Variants in SPAG9 observed in about 807,000 individuals in gnomAD.
SPAG9 encodes the protein C-Jun-amino-terminal kinase-interacting protein 4.
In SPAG9, 35 loss-of-function variants were observed where a neutral mutation model predicts 166.5. That is an observed-to-expected ratio of 0.21 (90% CI 0.16 to 0.28). SPAG9 has a LOEUF of 0.28. Ranked by LOEUF, SPAG9 falls within the 10% of genes least tolerant of loss-of-function variation. SPAG9 has a pLI of 1.00. For synonymous variants in SPAG9, 534 were observed against 565.5 expected (o/e 0.94, Z 0.79); for missense variants, 1,235 against 1,603.3 (o/e 0.77, Z 3.92).
At chr17:51,096,575 T>C (rs1288218707) in intron 1 of SPAG9, among the ~76,000 whole-genome samples, 1 of 152,168 alleles carries the variant, frequency 6.6e-6, no homozygotes, top group Admixed American at 6.6e-5. Context: ...TGGCATCCTA[T>C]TTCTAAAATA....
intron 4 of SPAG9, among the ~76,000 whole-genome samples, chr17:51,044,958 A>C (rs1032104099): frequency 6.6e-4 from 100 of 152,344 alleles, no homozygotes; most frequent in Middle Eastern, 3.4e-3. Context: ...AATTTCTGCT[A>C]AAAATGGACA....
chr17:51,113,126 G>A (rs1426188349), intron 1 of SPAG9, among the ~76,000 whole-genome samples: 31 of 152,070 alleles, frequency 2.0e-4, no homozygotes, highest in South Asian at 8.3e-4. Context: ...GGCCGAGGCC[G>A]GCGGATCACC....
chr17:51,120,834 G>C lies in SPAG9; in HGVS notation c.-178C>G, dbSNP rs925134131. The C allele has an allele frequency of 1.2e-3, 504 of 428,640 alleles. 4 individuals are homozygous for C. Among genetic ancestry groups the C allele is most frequent in the Non-Finnish European group, 2.7e-4 (68 of 250,116 alleles). 26.6% of individuals were successfully genotyped at this position (428,640 alleles called of 1,614,324 possible). ...CCGGAGGAGGGGAGGGGTGGCGTAG[G>C]CGCTCTCACCCCAACCGCCGCTGCA... On this transcript the variant is annotated 5_prime_UTR_variant, in exon 1 of 30. Coordinates refer to ENST00000262013, the MANE Select transcript of SPAG9 (RefSeq NM_001130528.3). This position sits in a 1 kb window ranked among gnomAD's most constrained non-coding sequence, Gnocchi z 4.7.
chr17:50,978,808 C>T (rs1016599031), intron 26 of SPAG9, among the ~76,000 whole-genome samples: 1 of 152,042 alleles, frequency 6.6e-6, no homozygotes, highest in Admixed American at 6.6e-5. Flanking sequence ...TGTTTGAGAA[C>T]ATGTAAGGTC....
rs905764430 is a variant in SPAG9 at position 50,963,728 on chromosome 17, G to A, written c.*2544C>T. The A allele has an allele frequency of 6.6e-6, 1 of 152,152 alleles. No homozygotes were observed. Among genetic ancestry groups the A allele is most frequent in the Non-Finnish European group, 1.5e-5 (1 of 68,030 alleles). The allele number at this position is 152,152 out of a possible 1,614,324, so 9.4% of individuals were successfully genotyped here. A position where few individuals can be genotyped will look rare whatever the true frequency, so the allele number is the denominator to read the frequency against. On this transcript the variant is annotated 3_prime_UTR_variant, in exon 30 of 30. Coordinates refer to ENST00000262013, the MANE Select transcript of SPAG9 (RefSeq NM_001130528.3). ...TGACTCTGGGATGTTTACTTCTTGG[G>A]ATTAAAATTCCCAAACACTTTGGTG...
At chr17:51,102,910 T>C (rs1222039985) in intron 1 of SPAG9, among the ~76,000 whole-genome samples, 1 of 152,166 alleles carries the variant, frequency 6.6e-6, no homozygotes, top group Non-Finnish European at 1.5e-5. Flanking sequence ...TTCAGGCGTG[T>C]GTTGCTATAC....
intron 6 of SPAG9, among the ~76,000 whole-genome samples, chr17:51,027,297 T>C (rs557695879): frequency 6.6e-6 from 1 of 152,014 alleles, no homozygotes; most frequent in Non-Finnish European, 1.5e-5. Context: ...CTGGGTGTAG[T>C]GGCATATGCC....
At chr17:51,054,477 C>T (rs2047304408) in intron 3 of SPAG9, among the ~76,000 whole-genome samples, 2 of 149,888 alleles carry the variant, frequency 1.3e-5, no homozygotes, top group South Asian at 4.2e-4. Flanking sequence ...CGCTCTCTTG[C>T]CCAGGCTGGA....
At chr17:50,977,315 A>T in intron 26 of SPAG9, 94 bp from the exon 27 acceptor site, 1 of 760,884 alleles carries the variant, frequency 1.3e-6, no homozygotes, top group South Asian at 1.5e-5. Flanking sequence ...TACAAAACAA[A>T]AAAAAAAGAA....
At chr17:50,969,623 A>T (rs969570275) in intron 29 of SPAG9, among the ~76,000 whole-genome samples, 1 of 152,150 alleles carries the variant, frequency 6.6e-6, no homozygotes, top group African/African-American at 2.4e-5. Context: ...CCCTTTTGAC[A>T]ACAAATTCAT....
chr17:51,092,504 G>C (rs1437112626), intron 1 of SPAG9, among the ~76,000 whole-genome samples: 1 of 152,020 alleles, frequency 6.6e-6, no homozygotes, highest in East Asian at 1.9e-4. Flanking sequence ...TATTATTAAA[G>C]AGTAATTGTT....
At chr17:51,022,372 C>T (rs1323007544) in intron 6 of SPAG9, among the ~76,000 whole-genome samples, 2 of 152,034 alleles carry the variant, frequency 1.3e-5, no homozygotes, top group Non-Finnish European at 2.9e-5. Flanking sequence ...GTTACATACT[C>T]ATTGAAATTT....
At chr17:50,999,390 A>T (rs2044824386) in intron 14 of SPAG9, 1 of 1,065,582 alleles carries the variant, frequency 9.4e-7, no homozygotes, top group East Asian at 2.8e-5. Flanking sequence ...CCCATTATTT[A>T]AATTTGGCAG....
chr17:51,079,187 T>C (rs2048095888), intron 2 of SPAG9, among the ~76,000 whole-genome samples: 1 of 149,962 alleles, frequency 6.7e-6, no homozygotes, highest in African/African-American at 2.4e-5. Context: ...TTTAGAACCT[T>C]AGTCGAATTT....
rs925217703 is a variant in SPAG9 at position 50,998,381 on chromosome 17, C to T, written c.1838+63G>A. The stretch of plus-strand genomic sequence containing the variant: ...CTGAATCCTTAGAGCTGATAAGAGG[C>T]CAAGAATATTCTGAACCACTAACTT... On this transcript the variant is annotated intron_variant, in intron 15 of 29. Coordinates refer to ENST00000262013, the MANE Select transcript of SPAG9 (RefSeq NM_001130528.3). 2.8e-6 allele frequency: 4 copies of T among 1,447,546 alleles called. No individual in the cohort carries two copies. The East Asian group carries it at 9.2e-5, about 33-fold the overall frequency. 89.7% of individuals were successfully genotyped at this position (1,447,546 alleles called of 1,614,324 possible).
chr17:51,045,776 G>T (rs2046996876), intron 4 of SPAG9, among the ~76,000 whole-genome samples: 1 of 152,068 alleles, frequency 6.6e-6, no homozygotes. Context: ...TAAGTAGAGT[G>T]AGCAACAGTA....
chr17:50,985,593 A>G (rs547394741), intron 23 of SPAG9, 105 bp downstream of exon 23: 1 of 620,874 alleles, frequency 1.6e-6, no homozygotes, highest in African/African-American at 1.9e-5. Context: ...AACAAATTGG[A>G]TACTAATTTA....
At chr17:51,089,126 A>C (rs545920781) in intron 1 of SPAG9, among the ~76,000 whole-genome samples, 113 of 148,822 alleles carry the variant, frequency 7.6e-4, no homozygotes, top group Non-Finnish European at 1.2e-3. Flanking sequence ...CACACACAAA[A>C]AAAAAACAGA....
chr17:51,000,905 A>G (rs186126583), intron 13 of SPAG9, among the ~76,000 whole-genome samples: 52 of 152,354 alleles, frequency 3.4e-4, no homozygotes, highest in Non-Finnish European at 7.3e-5. Flanking sequence ...TAATAAATAT[A>G]GATTAGAATA....
Sources: gnomAD v4.1 joint callset for allele counts (sites outside exome capture counted in the v4.1 genomes callset) on GRCh38, gnomAD v4.1.1 for gene constraint, Gnocchi (gnomAD v3.1) non-coding constraint, MANE v1.5 for transcripts, NCBI Gene and HGNC (gene_info 2026-07-23, HGNC 2026-07-21) for gene names.